IGSF5: variants seen among roughly 807,000 people sequenced by gnomAD.
The protein encoded by IGSF5 is immunoglobulin superfamily member 5, also known as immunoglobulin superfamily 5 like.
In IGSF5, 41 loss-of-function variants were observed where a neutral mutation model predicts 39.4. That is an observed-to-expected ratio of 1.04 (90% CI 0.81 to 1.35). IGSF5 has a LOEUF of 1.35. IGSF5 is among the 40% of genes most tolerant of loss of function. The pLI, the probability that IGSF5 is intolerant of heterozygous loss-of-function variation, is 0.00. For synonymous variants in IGSF5, 183 were observed against 175.3 expected, an observed-to-expected ratio of 1.04 and a Z score of -0.34; for missense variants, 487 against 494.6, an observed-to-expected ratio of 0.98 and a Z score of 0.15.
rs549872733 is a variant in IGSF5, at chr21:39,799,422, G to C, written c.1129-1840G>C. Among the ~76,000 whole-genome samples, 6 of 152,302 alleles carry C rather than the reference G, an allele frequency of 3.9e-5. No homozygotes were observed. The South Asian group carries it at 8.3e-4, about 21-fold the overall frequency. ...ATGCACACTCTTGGGCCTCCGCCAG[G>C]CTTGCTGGATCAGAATGTCTGGGAG... On this transcript the variant is annotated intron_variant, in intron 8 of 8. Coordinates refer to ENST00000380588, the MANE Select transcript of IGSF5 (RefSeq NM_001080444.2).
intron 7 of IGSF5, 44 bp from the exon 8 acceptor site, chr21:39,793,490 G>C (rs752623178): frequency 6.9e-7 from 1 of 1,443,724 alleles, no homozygotes; most frequent in Non-Finnish European, 9.7e-7. Flanking sequence ...CACACAGCTT[G>C]GTTTTTGCCA....
chr21:39,775,820 A>T (rs914396456), intron 4 of IGSF5, among the ~76,000 whole-genome samples: 1 of 152,194 alleles, frequency 6.6e-6, no homozygotes, highest in Admixed American at 6.5e-5. Context: ...CAAGGCACAG[A>T]CCAGCACCCC....
At chr21:39,761,242 C>T (rs1286309154) in intron 2 of IGSF5, among the ~76,000 whole-genome samples, 3 of 152,170 alleles carry the variant, frequency 2.0e-5, no homozygotes, top group African/African-American at 7.2e-5. Flanking sequence ...TCTCACCATT[C>T]AAAAATTAAC....
chr21:39,742,396 G>A (rs1053246564), upstream of IGSF5, among the ~76,000 whole-genome samples: 1 of 152,216 alleles, frequency 6.6e-6, no homozygotes, highest in African/African-American at 2.4e-5. Context: ...GGACAGGAGA[G>A]TAAGACTGAG....
the IGSF5 span, among the ~76,000 whole-genome samples, chr21:39,733,660 A>G: frequency 1.3e-4 from 20 of 152,166 alleles, no homozygotes; most frequent in African/African-American, 4.8e-4. Flanking sequence ...GCACTCTGCC[A>G]CAGTACTGGG....
chr21:39,780,565 G>A (rs1407442573), intron 5 of IGSF5, among the ~76,000 whole-genome samples: 1 of 152,176 alleles, frequency 6.6e-6, no homozygotes, highest in African/African-American at 2.4e-5. Context: ...CTTTGTAGGT[G>A]AATGTTAATA....
chr21:39,796,071 G>A (rs1314864856), intron 8 of IGSF5, among the ~76,000 whole-genome samples: 1 of 152,202 alleles, frequency 6.6e-6, no homozygotes, highest in Non-Finnish European at 1.5e-5. Flanking sequence ...TGGAGAGCCT[G>A]GATGCAGGAT....
chr21:39,757,868 C>T (rs148046095), intron 2 of IGSF5, among the ~76,000 whole-genome samples: 5 of 152,302 alleles, frequency 3.3e-5, no homozygotes, highest in Non-Finnish European at 5.9e-5. Flanking sequence ...TGAGCCACCG[C>T]GCCCAGACTG....
At chr21:39,791,938 C>A in intron 6 of IGSF5, 70 bp from the exon 7 acceptor site, 3 of 939,738 alleles carry the variant, frequency 3.2e-6, no homozygotes, top group Non-Finnish European at 5.1e-6. Context: ...ACGTAGGTAT[C>A]CATTGCCAAT....
At chr21:39,791,958 G>A (rs1170930474) in intron 6 of IGSF5, 50 bp from the exon 7 acceptor site, 3 of 1,245,064 alleles carry the variant, frequency 2.4e-6, no homozygotes, top group Admixed American at 3.8e-5. Flanking sequence ...TTAACATTTG[G>A]CAATGTTAAT....
intron 8 of IGSF5, 60 bp from the exon 9 acceptor site, chr21:39,801,202 G>C: frequency 8.1e-7 from 1 of 1,227,190 alleles, no homozygotes; most frequent in East Asian, 2.4e-5. Flanking sequence ...CTCTTTTCAA[G>C]TTTGCATTTT....
At position 39,746,171 on chromosome 21, in the gene IGSF5, C is replaced by G. The variant is rs144113093; in HGVS notation, c.18-45C>G. The G allele has an allele frequency of 1.7e-3, 1,170 of 701,390 alleles. 8 individuals carry two copies. In the African/African-American group the frequency reaches 0.017, roughly 10 times the overall value. 43.4% of individuals were successfully genotyped at this position (701,390 alleles called of 1,614,324 possible). A position where few individuals can be genotyped will look rare whatever the true frequency, so the allele number is the denominator to read the frequency against. ...TTAGCCATGCAGGAACAATGGCGAG[C>G]CTTTAGCCTGATTGGAAGTGGCAAT... On this transcript the variant is annotated intron_variant, in intron 1 of 8. Coordinates refer to ENST00000380588, the MANE Select transcript of IGSF5 (RefSeq NM_001080444.2).
chr21:39,738,116 A>C, the IGSF5 span, among the ~76,000 whole-genome samples: 895 of 152,324 alleles, frequency 5.9e-3, 9 homozygotes, highest in African/African-American at 0.021. The surrounding 1 kb of genome is among the most constrained non-coding windows in gnomAD (Gnocchi z 6.4). Flanking sequence ...CTGATGCATT[A>C]GTCTGTTTTC....
the IGSF5 span, among the ~76,000 whole-genome samples, chr21:39,716,844 A>T: frequency 1.3e-5 from 2 of 152,222 alleles, no homozygotes; most frequent in Non-Finnish European, 2.9e-5. Context: ...AATTATTTAT[A>T]TTCCTCTGGG....
At chr21:39,763,829 T>C (rs947231272) in intron 2 of IGSF5, among the ~76,000 whole-genome samples, 7 of 152,202 alleles carry the variant, frequency 4.6e-5, no homozygotes, top group African/African-American at 1.7e-4. Flanking sequence ...TCAGAGTTCA[T>C]GGAAAGGGCA....
At chr21:39,785,961 A>G (rs1323969564) in intron 5 of IGSF5, among the ~76,000 whole-genome samples, 1 of 152,172 alleles carries the variant, frequency 6.6e-6, no homozygotes. Context: ...TCAATTCAAG[A>G]TGGATTAAAG....
chr21:39,713,190 G>T, the IGSF5 span, among the ~76,000 whole-genome samples: 1 of 152,216 alleles, frequency 6.6e-6, no homozygotes, highest in Non-Finnish European at 1.5e-5. Context: ...GGAAAGCACT[G>T]GTTAGAAGTG....
chr21:39,728,240 G>A, the IGSF5 span, among the ~76,000 whole-genome samples: 1 of 152,184 alleles, frequency 6.6e-6, no homozygotes, highest in African/African-American at 2.4e-5. Flanking sequence ...CTCTGCAGAT[G>A]TAATCAACTT....
At chr21:39,776,640 ATAAGGCAGGCCCTCTCTGTCCTAGAT>A (rs2080142827) in intron 4 of IGSF5, among the ~76,000 whole-genome samples, 1 of 152,182 alleles carries the variant, frequency 6.6e-6, no homozygotes, top group Admixed American at 6.5e-5. Context: ...TTCTCTGAAA[ATAAGGCAGGCCCTCTCTGTCCTAGAT>A]TAAGGCAGGC....
Sources: gnomAD v4.1 joint callset for allele counts (sites outside exome capture counted in the v4.1 genomes callset) on GRCh38, gnomAD v4.1.1 for gene constraint, Gnocchi (gnomAD v3.1) non-coding constraint, MANE v1.5 for transcripts, NCBI Gene and HGNC (gene_info 2026-07-23, HGNC 2026-07-21) for gene names.